The following TNKS2 variants were observed in gnomAD, a reference collection of about 807,000 sequenced individuals.
TNKS2 encodes the protein poly [ADP-ribose] polymerase tankyrase-2.
TNKS2 carries 72 observed loss-of-function variants against 137.6 expected under a neutral mutation model. The observed-to-expected ratio is 0.52, with a 90% CI of 0.43 to 0.64. TNKS2 has a LOEUF of 0.64. Among genes scored for constraint, TNKS2 ranks in the 30% least tolerant of loss-of-function variants. The pLI is 0.00. For missense variants in TNKS2, 1,049 were observed against 1,410.2 expected (o/e 0.74, Z 4.10); for synonymous variants, 516 against 512.1 (o/e 1.01, Z -0.10).
rs369628534 is a variant in TNKS2 at position 91,824,957 on chromosome 10, A to C, written c.796-2060A>C. Among the ~76,000 whole-genome samples, 7 of 152,298 alleles carry C rather than the reference A, an allele frequency of 4.6e-5. No homozygotes were observed. The South Asian group carries it at 8.3e-4, about 18-fold the overall frequency. On this transcript the variant is annotated intron_variant, in intron 7 of 26. Coordinates refer to ENST00000371627, the MANE Select transcript of TNKS2 (RefSeq NM_025235.4). ...GTATAAATTATAATGTGACAACTTA[A>C]GCTGTCATAATTTTGGGCCAATAGT...
chr10:91,828,178 T>A lies in TNKS2; in HGVS notation c.983-107T>A, dbSNP rs541292597. 6.8e-5 allele frequency: 84 copies of A among 1,229,654 alleles called. No individual in the cohort carries two copies. In the South Asian group the frequency reaches 1.4e-3, roughly 21 times the overall value. The allele number at this position is 1,229,654 out of a possible 1,614,324, so 76.2% of individuals were successfully genotyped here. On this transcript the variant is annotated intron_variant, in intron 8 of 26. Coordinates refer to ENST00000371627, the MANE Select transcript of TNKS2 (RefSeq NM_025235.4). Reference sequence around the variant, plus strand: ...TCTTTAGAGCCTCAATCTGGCTATTTTGGAAGATTATTTTGAAAATAATTT... The same window carrying A: ...TCTTTAGAGCCTCAATCTGGCTATTATGGAAGATTATTTTGAAAATAATTT...
intron 1 of TNKS2, among the ~76,000 whole-genome samples, chr10:91,803,439 C>G (rs554452783): frequency 6.6e-6 from 1 of 152,158 alleles, no homozygotes; most frequent in South Asian, 2.1e-4. Context: ...CTTAAGAGTT[C>G]AAGAGCAGCC....
chr10:91,859,320 A>C, intron 24 of TNKS2, 142 bp from the exon 25 acceptor site: 1 of 570,314 alleles, frequency 1.8e-6, no homozygotes, highest in Non-Finnish European at 2.9e-6. Flanking sequence ...GCTGGCTGAC[A>C]GTTAACTTGT....
Position 91,840,547 on chromosome 10 carries a change from G to A in TNKS2, c.1528-14G>A. 1 of 1,609,012 alleles carries A rather than the reference G, an allele frequency of 6.2e-7. No individual in the cohort carries two copies. The highest frequency in any genetic ancestry group is 1.1e-5 in the South Asian group (1 of 90,014). On this transcript the variant is annotated splice_polypyrimidine_tract_variant and intron_variant, in intron 13 of 26. Transcript: ENST00000371627. ...GTAGATGTAGTATCATGTATGTTGT[G>A]TTTTGTCCTTCAGAAACTGTGTACT...
chr10:91,811,991 C>T (rs374613817), intron 1 of TNKS2, among the ~76,000 whole-genome samples: 1 of 150,038 alleles, frequency 6.7e-6, no homozygotes, highest in Non-Finnish European at 1.5e-5. Context: ...ACCCGGGAGG[C>T]GGAGCTTGCA....
intron 1 of TNKS2, among the ~76,000 whole-genome samples, chr10:91,811,215 C>T (rs1170514759): frequency 6.6e-6 from 1 of 152,034 alleles, no homozygotes; most frequent in Non-Finnish European, 1.5e-5. Context: ...TGAGCCACTG[C>T]GCCCAGCCCA....
intron 1 of TNKS2, 43 bp from the exon 2 acceptor site, chr10:91,812,940 T>C: frequency 6.2e-7 from 1 of 1,602,332 alleles, no homozygotes; most frequent in Non-Finnish European, 8.5e-7. Context: ...TTTGATATCT[T>C]TTCCTTGTTG....
intron 21 of TNKS2, among the ~76,000 whole-genome samples, chr10:91,852,236 TAAATA>T (rs1842561556): frequency 7.4e-6 from 1 of 135,356 alleles, no homozygotes; most frequent in Admixed American, 7.6e-5. Flanking sequence ...TCAAAAAAAA[TAAATA>T]AATAATATAA....
At chr10:91,817,940 A>G (rs550173516) in intron 3 of TNKS2, among the ~76,000 whole-genome samples, 1 of 152,234 alleles carries the variant, frequency 6.6e-6, no homozygotes, top group Non-Finnish European at 1.5e-5. Context: ...CTAGAATCAT[A>G]CCTAATCTAA....
intron 2 of TNKS2, among the ~76,000 whole-genome samples, chr10:91,815,425 A>G (rs1001055313): frequency 2.0e-5 from 3 of 152,130 alleles, no homozygotes; most frequent in African/African-American, 7.2e-5. Flanking sequence ...CACATAACCC[A>G]ACTCTGGTAC....
intron 6 of TNKS2, among the ~76,000 whole-genome samples, chr10:91,820,927 G>C (rs1408902768): frequency 6.6e-6 from 1 of 152,228 alleles, no homozygotes; most frequent in African/African-American, 2.4e-5. Context: ...TTCTGAATGA[G>C]TTAGATCCAG....
chr10:91,842,319 A>T lies in TNKS2; in HGVS notation c.1987A>T (p.Lys663Ter). 6.2e-7 allele frequency: 1 copy of T among 1,614,172 alleles called. No homozygotes were observed. Among genetic ancestry groups the T allele is most frequent in the African/African-American group, 1.3e-5 (1 of 75,058 alleles). Reference sequence around the variant, plus strand: ...GAAGGGTTGTTTAGCCAGAGTGAAGAAGTTGTCTTCTCCTGATAATGTAAA... The same window carrying T: ...GAAGGGTTGTTTAGCCAGAGTGAAGTAGTTGTCTTCTCCTGATAATGTAAA... ...AKKGCLARVK[K>*]LSSPDNVNCR... Residue 663 changes from lysine to a stop codon, truncating the protein, a stop_gained, in exon 16 of 27, where the codon AAG becomes TAG. Coordinates refer to ENST00000371627, the MANE Select transcript of TNKS2 (RefSeq NM_025235.4). LOFTEE classifies it high-confidence loss of function.
At position 91,859,519 on chromosome 10, in the gene TNKS2, T is replaced by C; in HGVS notation, c.3152T>C (p.Ile1051Thr). ...HKGFDERHAY[I>T]GGMFGAGIYF... ...GGCTTTGATGAAAGGCATGCGTACA[T>C]AGGTGGTATGTTTGGAGCTGGCATT... is the stretch of plus-strand genomic sequence containing the variant. Residue 1051 changes from isoleucine to threonine, a missense_variant, in exon 25 of 27, where the codon ATA (isoleucine) becomes ACA (threonine). By Grantham distance (89) the Ile-to-Thr change is moderately conservative (BLOSUM62 -1). Coordinates refer to ENST00000371627, the MANE Select transcript of TNKS2 (RefSeq NM_025235.4). 2 of 1,614,010 alleles carry C rather than the reference T, an allele frequency of 1.2e-6. No individual in the cohort carries two copies. Among genetic ancestry groups the C allele is most frequent in the Non-Finnish European group, 1.7e-6 (2 of 1,179,938 alleles).
intron 13 of TNKS2, among the ~76,000 whole-genome samples, chr10:91,839,768 T>C (rs1842151867): frequency 2.0e-5 from 3 of 152,196 alleles, no homozygotes; most frequent in Admixed American, 2.0e-4. Context: ...GAACCACTGC[T>C]CTAAAGGAGT....
At position 91,819,363 on chromosome 10, in the gene TNKS2, T is replaced by TTTC. The variant is rs1844812903; in HGVS notation, c.557+59_557+60insCTT. The TTTC allele has an allele frequency of 1.2e-5, 13 of 1,093,926 alleles. No individual in the cohort carries two copies. The East Asian group carries it at 4.4e-4, about 37-fold the overall frequency. 67.8% of individuals were successfully genotyped at this position (1,093,926 alleles called of 1,614,324 possible). ...AATACTTCACCATTAACTTTTTCTT[T>TTTC]TTTTTTTTTTTTACAGTAAGCAAAC... On this transcript the variant is annotated intron_variant, in intron 4 of 26. Transcript: ENST00000371627.
chr10:91,819,874 T>G (rs1844828837), intron 5 of TNKS2, 65 bp from the exon 6 acceptor site: 1 of 1,318,760 alleles, frequency 7.6e-7, no homozygotes, highest in African/African-American at 1.5e-5. Flanking sequence ...TTGGGTTTTT[T>G]CCCTCTCACA....
At position 91,827,012 on chromosome 10, in the gene TNKS2, TC is replaced by T; in HGVS notation, c.796-3del. On this transcript the variant is annotated splice_region_variant and splice_polypyrimidine_tract_variant and intron_variant, in intron 7 of 26. Transcript: ENST00000371627. ...AACATTAAATATATGCTTTTTGCTC[TC>T]CAGCATGGTGCCTGTGTAAATGCAA... The T allele has an allele frequency of 6.5e-7, 1 of 1,547,580 alleles. No individual in the cohort carries two copies. Among genetic ancestry groups the T allele is most frequent in the Non-Finnish European group, 8.7e-7 (1 of 1,146,940 alleles).
intron 2 of TNKS2, among the ~76,000 whole-genome samples, chr10:91,815,730 ATTATT>A (rs1844671790): frequency 6.6e-6 from 1 of 152,102 alleles, no homozygotes; most frequent in Admixed American, 6.5e-5. Context: ...AAAATGTTAA[ATTATT>A]TATGTGGCTC....
rs781290805 is a variant in TNKS2, at chr10:91,822,342, G to A, written c.775G>A (p.Val259Ile). ...HNACSYGHYE[V>I]TELLVKHGAC... is the part of the protein sequence containing the mutation. ...TGCCTGTTCTTATGGTCATTATGAA[G>A]TAACTGAACTTTTGGTCAAGGTTAG... Residue 259 changes from valine (V) to isoleucine (I), a missense_variant, in exon 7 of 27, where the codon GTA becomes ATA. Physicochemically the swap from Val to Ile is conservative, Grantham distance 29. Transcript: ENST00000371627. 1 of 1,613,396 alleles carries A rather than the reference G, an allele frequency of 6.2e-7. No individual in the cohort carries two copies. The highest frequency in any genetic ancestry group is 8.5e-7 in the Non-Finnish European group (1 of 1,179,678).
Sources: allele counts gnomAD v4.1 joint callset (sites outside exome capture counted in the v4.1 genomes callset), GRCh38; gene constraint gnomAD v4.1.1; transcripts MANE v1.5; gene names NCBI Gene and HGNC (gene_info 2026-07-23, HGNC 2026-07-21).